MANBA: variants seen among roughly 807,000 people sequenced by gnomAD.
MANBA encodes the protein mannosidase beta, also known as beta-mannosidase.
MANBA carries 83 observed loss-of-function variants against 111.1 expected under a neutral mutation model. The ratio of observed to expected loss-of-function variants is 0.75; its 90% CI spans 0.63 to 0.90. MANBA has a LOEUF of 0.90. Among genes scored for constraint, MANBA ranks in the 40% least tolerant of loss-of-function variants. MANBA has a pLI of 0.00. For synonymous variants in MANBA, 370 were observed against 378.7 expected (o/e 0.98, Z 0.27); for missense variants, 1,036 against 1,069.0 (o/e 0.97, Z 0.43).
chr4:102,671,297 T>C lies in MANBA; in HGVS notation c.1214A>G (p.Asp405Gly). ...ACTTCTCACCATTATTCCTAGTTCA[T>C]CACAGAGTTCATAGAATTCATCCTG... ...YEQDEFYELC[D>G]ELGIMVWQDF... Residue 405 changes from aspartate to glycine, a missense_variant, in exon 9 of 17, where the codon GAT becomes GGT. Asp to Gly is a moderately conservative substitution (Grantham distance 94). Coordinates refer to ENST00000647097, the MANE Select transcript of MANBA (RefSeq NM_005908.4). The C allele has an allele frequency of 1.3e-6, 2 of 1,573,842 alleles. No individual in the cohort carries two copies.
chr4:102,647,356 C>A (rs564533341), intron 13 of MANBA, among the ~76,000 whole-genome samples: 123 of 150,738 alleles, frequency 8.2e-4, no homozygotes, highest in African/African-American at 3.0e-3. Flanking sequence ...CAGACAAAAC[C>A]ATCACCAACA....
chr4:102,634,724 G>A, intron 16 of MANBA, 64 bp downstream of exon 16: 1 of 1,601,002 alleles, frequency 6.2e-7, no homozygotes, highest in Non-Finnish European at 8.5e-7. Flanking sequence ...CAAGGAGCTG[G>A]CCCAAGAGCA....
intron 7 of MANBA, among the ~76,000 whole-genome samples, chr4:102,675,053 G>A (rs1015418678): frequency 2.0e-5 from 3 of 152,172 alleles, no homozygotes; most frequent in Non-Finnish European, 2.9e-5. Context: ...ATCTTGACAC[G>A]CGATGATCAC....
intron 1 of MANBA, among the ~76,000 whole-genome samples, chr4:102,737,364 T>A (rs1006203566): frequency 1.6e-4 from 25 of 152,126 alleles, no homozygotes; most frequent in Non-Finnish European, 3.5e-4. Flanking sequence ...TCAGTCCTGC[T>A]CACCGGCTGC....
chr4:102,665,576 C>A (rs1731180654), intron 10 of MANBA: 1 of 152,260 alleles, frequency 6.6e-6, no homozygotes, highest in Non-Finnish European at 1.5e-5. Context: ...GAAAACCGTG[C>A]CACACGAGGC....
At chr4:102,744,587 T>C (rs1277484066) in intron 1 of MANBA, among the ~76,000 whole-genome samples, 2 of 152,244 alleles carry the variant, frequency 1.3e-5, no homozygotes, top group Non-Finnish European at 2.9e-5. Context: ...AATCAATGGC[T>C]GCATACCAGG....
In MANBA at chr4:102,631,104, C is replaced by G. The variant is rs1729355587; in HGVS notation, c.*953G>C. ...AAGTCCCCTTATCCCCTTGATAAGGCTTTGTGTGTGTGTGTGTGTGTGTGT... is the reference window on the plus strand; with the variant it reads ...AAGTCCCCTTATCCCCTTGATAAGGGTTTGTGTGTGTGTGTGTGTGTGTGT... On this transcript the variant is annotated 3_prime_UTR_variant, in exon 17 of 17. Coordinates refer to ENST00000647097, the MANE Select transcript of MANBA (RefSeq NM_005908.4). The G allele has an allele frequency of 7.2e-6, 1 of 138,876 alleles. No homozygotes were observed. 8.6% of individuals were successfully genotyped at this position (138,876 alleles called of 1,614,324 possible). A position where few individuals can be genotyped will look rare whatever the true frequency, so the allele number is the denominator to read the frequency against.
intron 8 of MANBA, among the ~76,000 whole-genome samples, chr4:102,671,714 C>T (rs926683448): frequency 6.6e-6 from 1 of 152,150 alleles, no homozygotes; most frequent in Non-Finnish European, 1.5e-5. Context: ...AAAGTATGCA[C>T]TAATTTTATA....
intron 4 of MANBA, 119 bp downstream of exon 4, chr4:102,722,752 G>T: frequency 2.0e-6 from 2 of 1,008,326 alleles, no homozygotes; most frequent in South Asian, 1.3e-5. Context: ...ACCCCACTAA[G>T]GGATCAGGAA....
rs1276928444 is a variant in MANBA at position 102,632,218 on chromosome 4, A to C, written c.2479T>G (p.Phe827Val). The change falls in exon 17 of 17, where the codon TTT becomes GTT. Residue 827 changes from phenylalanine (F) to valine (V), a missense_variant. Coordinates refer to ENST00000647097, the MANE Select transcript of MANBA (RefSeq NM_005908.4). Reference protein sequence around the residue: ...FDLETSAVAPFVWLDVGSIPG... With the variant: ...FDLETSAVAPVVWLDVGSIPG... ...ATGCTTCCTACATCCAACCAAACAA[A>C]GGGAGCGACAGCTGAGGTCTCCAGG... The C allele has an allele frequency of 6.2e-7, 1 of 1,613,946 alleles. No individual in the cohort carries two copies. The highest frequency in any genetic ancestry group is 1.7e-5 in the Admixed American group (1 of 60,028).
chr4:102,638,521 C>A (rs761554636), intron 14 of MANBA, among the ~76,000 whole-genome samples: 2 of 152,142 alleles, frequency 1.3e-5, no homozygotes, highest in Admixed American at 6.5e-5. Flanking sequence ...GAATAATCTG[C>A]ATGGGATCAC....
rs1424278058 is a variant in MANBA, at chr4:102,723,868, A to G, written c.372T>C (p.Asn124=). ...AATGTCATTATATACTTACATATCT[A>G]TTGAACATATTGTCTGTTTCCCCAA... ...VTIGETDNMF[N]RYSFDITNVV... The change falls in exon 3 of 17, where the codon AAT becomes AAC. Residue 124 remains asparagine, a synonymous_variant. Coordinates refer to ENST00000647097, the MANE Select transcript of MANBA (RefSeq NM_005908.4). 1.8e-5 allele frequency: 28 copies of G among 1,565,800 alleles called. No individual in the cohort carries two copies. Among genetic ancestry groups the G allele is most frequent in the Non-Finnish European group, 2.4e-5 (27 of 1,137,188 alleles).
At chr4:102,744,153 T>C (rs1223109224) in intron 1 of MANBA, among the ~76,000 whole-genome samples, 1 of 152,298 alleles carries the variant, frequency 6.6e-6, no homozygotes, top group African/African-American at 2.4e-5. Flanking sequence ...AAAATCCAAA[T>C]AGGCCCACAG....
intron 1 of MANBA, among the ~76,000 whole-genome samples, chr4:102,756,797 TAAAAAAAAAAAA>T (rs35787338): frequency 1.4e-5 from 1 of 72,006 alleles, no homozygotes; most frequent in East Asian, 4.5e-4. Flanking sequence ...AGAGACTATC[TAAAAAAAAAAAA>T]AAAAAAAAAA....
chr4:102,728,650 G>A (rs1220542841), intron 1 of MANBA: 4 of 540,912 alleles, frequency 7.4e-6, no homozygotes, highest in Middle Eastern at 5.5e-4. Flanking sequence ...TGAGGGCTAG[G>A]GCTGGGCCTC....
chr4:102,672,197 G>A, intron 8 of MANBA: 1 of 397,868 alleles, frequency 2.5e-6, no homozygotes, highest in Admixed American at 4.4e-5. Flanking sequence ...ACAACTTTTG[G>A]AAAAAATCAG....
intron 13 of MANBA, among the ~76,000 whole-genome samples, chr4:102,642,678 T>C (rs948518130): frequency 6.6e-6 from 1 of 152,226 alleles, no homozygotes; most frequent in Non-Finnish European, 1.5e-5. Flanking sequence ...GAGTCTCCTA[T>C]GAGAGACAGA....
intron 12 of MANBA, among the ~76,000 whole-genome samples, chr4:102,656,177 C>T (rs186833609): frequency 6.6e-6 from 1 of 152,020 alleles, no homozygotes; most frequent in Non-Finnish European, 1.5e-5. Flanking sequence ...TTGCTTCAGC[C>T]TGAGAGGTCA....
At chr4:102,690,489 C>T in intron 6 of MANBA, 107 bp downstream of exon 6, 1 of 1,037,162 alleles carries the variant, frequency 9.6e-7, no homozygotes. Flanking sequence ...CAAATATAAG[C>T]AGAGAAAGTA....
Sources: gnomAD v4.1 joint callset for allele counts (sites outside exome capture counted in the v4.1 genomes callset) on GRCh38, gnomAD v4.1.1 for gene constraint, MANE v1.5 for transcripts, NCBI Gene and HGNC (gene_info 2026-07-23, HGNC 2026-07-21) for gene names.